Variants in MYO3A observed in about 807,000 individuals in gnomAD.
The protein encoded by MYO3A is myosin IIIA, also known as myosin-IIIa.
A neutral mutation model predicts 192.7 loss-of-function variants in MYO3A; 180 were observed. The ratio of observed to expected loss-of-function variants is 0.93; its 90% CI spans 0.83 to 1.06. The LOEUF (loss-of-function observed/expected upper bound fraction) is 1.06, where lower values mean the gene tolerates loss of function less well. Ranked by LOEUF, MYO3A falls within the 50% of genes least tolerant of loss-of-function variation. MYO3A has a pLI of 0.00. For synonymous variants in MYO3A, 628 were observed against 645.3 expected, an observed-to-expected ratio of 0.97 and a Z score of 0.41; for missense variants, 1,896 against 1,905.0, an observed-to-expected ratio of 1.00 and a Z score of 0.09.
At chr10:25,999,673 T>C (rs1221205483) in intron 6 of MYO3A, among the ~76,000 whole-genome samples, 1 of 152,228 alleles carries the variant, frequency 6.6e-6, no homozygotes, top group Non-Finnish European at 1.5e-5. Flanking sequence ...TATCAGCTCA[T>C]TATTGGGTAC....
intron 6 of MYO3A, among the ~76,000 whole-genome samples, chr10:26,010,355 T>G (rs959412387): frequency 2.4e-5 from 3 of 125,534 alleles, no homozygotes; most frequent in Non-Finnish European, 3.3e-5. Context: ...TACAGGAACC[T>G]CAAAAGATTT....
chr10:26,041,277 T>C (rs1026176515), intron 10 of MYO3A, among the ~76,000 whole-genome samples: 4 of 152,078 alleles, frequency 2.6e-5, no homozygotes, highest in African/African-American at 9.7e-5. Context: ...AGTCTATGTG[T>C]GTCTTTTTAG....
intron 15 of MYO3A, among the ~76,000 whole-genome samples, chr10:26,096,029 T>C (rs562259809): frequency 1.3e-5 from 2 of 152,192 alleles, no homozygotes; most frequent in Non-Finnish European, 2.9e-5. Context: ...CTGGCATGGC[T>C]GTATACATTA....
intron 14 of MYO3A, among the ~76,000 whole-genome samples, chr10:26,075,864 A>ATG (rs1360812002): frequency 6.6e-6 from 1 of 150,716 alleles, no homozygotes; most frequent in African/African-American, 2.4e-5. Context: ...ATATATCTAT[A>ATG]TGTATCTCAC....
At chr10:26,177,123 G>T (rs1253158664) in intron 31 of MYO3A, among the ~76,000 whole-genome samples, 1 of 151,804 alleles carries the variant, frequency 6.6e-6, no homozygotes, top group Non-Finnish European at 1.5e-5. Context: ...AAAGGGGTTG[G>T]TATAGAGAGG....
intron 15 of MYO3A, among the ~76,000 whole-genome samples, chr10:26,090,737 C>G (rs185549835): frequency 1.3e-5 from 2 of 152,268 alleles, no homozygotes; most frequent in Non-Finnish European, 2.9e-5. Flanking sequence ...TGTTATCAAT[C>G]AGGGTACTGA....
chr10:26,107,760 C>G (rs1837912348), intron 17 of MYO3A, among the ~76,000 whole-genome samples: 2 of 151,200 alleles, frequency 1.3e-5, no homozygotes. Flanking sequence ...CATTTTTGCC[C>G]TTACTCTTTT....
At chr10:26,070,297 A>T in intron 13 of MYO3A, 21 bp from the exon 14 acceptor site, 1 of 1,610,806 alleles carries the variant, frequency 6.2e-7, no homozygotes, top group Non-Finnish European at 8.5e-7. Flanking sequence ...GTCTTCTCAC[A>T]GTTTTCTTTT....
intron 3 of MYO3A, among the ~76,000 whole-genome samples, chr10:25,953,207 TCTA>T (rs2130562699): frequency 6.6e-6 from 1 of 152,192 alleles, no homozygotes; most frequent in East Asian, 1.9e-4. Flanking sequence ...GTTACACTCA[TCTA>T]CTAACTGTGA....
chr10:26,182,453 T>G (rs1842657734), intron 31 of MYO3A, among the ~76,000 whole-genome samples: 1 of 152,206 alleles, frequency 6.6e-6, no homozygotes, highest in Admixed American at 6.5e-5. Context: ...CCAAAAACCC[T>G]TTTATCTATG....
At position 26,174,066 on chromosome 10, in the gene MYO3A, A is replaced by C; in HGVS notation, c.3802A>C (p.Ser1268Arg). 1 of 1,614,218 alleles carries C rather than the reference A, an allele frequency of 6.2e-7. No individual in the cohort carries two copies. The highest frequency in any genetic ancestry group is 8.5e-7 in the Non-Finnish European group (1 of 1,180,048). Residue 1268 changes from serine (S) to arginine (R), a missense_variant, in exon 30 of 35, where the codon AGC becomes CGC. Ser to Arg is a moderately radical substitution (Grantham distance 110). Transcript: ENST00000642920. ...AAGGAAGGCCATATCAGAAAGGCCA[A>C]GCTACCCAGTGCCTTGGTTAGCTGA... ...LERKAISERP[S>R]YPVPWLAENE...
intron 8 of MYO3A, among the ~76,000 whole-genome samples, chr10:26,023,640 T>C (rs552039954): frequency 1.2e-4 from 19 of 152,330 alleles, no homozygotes; most frequent in Middle Eastern, 3.4e-3. Flanking sequence ...AGGCCACTTC[T>C]GTGTTCCCTG....
In MYO3A at chr10:26,147,504, G is replaced by A. The variant is rs1289634184; in HGVS notation, c.2580G>A (p.Arg860=). The A allele has an allele frequency of 6.2e-7, 1 of 1,613,892 alleles. No individual in the cohort carries two copies. The highest frequency in any genetic ancestry group is 1.1e-5 in the South Asian group (1 of 91,074). Residue 860 remains arginine, a synonymous_variant, in exon 23 of 35, where the codon AGG becomes AGA. Transcript: ENST00000642920. ...CTACTGACATTGTGCTACTTTTGAG[G>A]TCATCCGACAACAGTGTAATTAGGC... The part of the protein sequence containing the change: ...TLPTDIVLLL[R]SSDNSVIRQL...
chr10:26,178,995 G>C (rs1177088508), intron 31 of MYO3A, among the ~76,000 whole-genome samples: 1 of 150,198 alleles, frequency 6.7e-6, no homozygotes, highest in Non-Finnish European at 1.5e-5. Context: ...TAGAGATGGG[G>C]TTTCACCATG....
chr10:26,185,831 T>A (rs1842844034), intron 31 of MYO3A, among the ~76,000 whole-genome samples: 1 of 152,218 alleles, frequency 6.6e-6, no homozygotes, highest in Non-Finnish European at 1.5e-5. Flanking sequence ...AACAGAGATT[T>A]TCATCATTGT....
At chr10:26,096,834 C>A in intron 17 of MYO3A, 152 bp downstream of exon 17, 2 of 617,546 alleles carry the variant, frequency 3.2e-6, no homozygotes, top group Non-Finnish European at 5.7e-6. Flanking sequence ...ATAATATTTA[C>A]TTTATAAGTG....
intron 20 of MYO3A, among the ~76,000 whole-genome samples, chr10:26,135,541 CT>C (rs1216574016): frequency 6.6e-6 from 1 of 151,980 alleles, no homozygotes; most frequent in African/African-American, 2.4e-5. Flanking sequence ...GTTGTGACAG[CT>C]GGAGACCCCT....
chr10:26,094,092 A>T (rs1366917584), intron 15 of MYO3A, among the ~76,000 whole-genome samples: 2 of 152,234 alleles, frequency 1.3e-5, no homozygotes, highest in African/African-American at 2.4e-5. Flanking sequence ...CTACCCTTTC[A>T]TATTAAGTAT....
At chr10:25,969,953 T>G (rs985119521) in intron 4 of MYO3A, among the ~76,000 whole-genome samples, 2 of 152,086 alleles carry the variant, frequency 1.3e-5, no homozygotes, top group African/African-American at 4.8e-5. Flanking sequence ...AGCAGTATAA[T>G]CAGAGACAGA....
Sources: allele counts gnomAD v4.1 joint callset (sites outside exome capture counted in the v4.1 genomes callset), GRCh38; gene constraint gnomAD v4.1.1; transcripts MANE v1.5; gene names NCBI Gene and HGNC (gene_info 2026-07-23, HGNC 2026-07-21).